Variants in TMEM67 observed in about 807,000 individuals in gnomAD.
TMEM67 encodes the protein transmembrane protein 67.
Under a neutral mutation model 136.6 loss-of-function variants are expected in TMEM67, and 124 were observed. The ratio of observed to expected loss-of-function variants is 0.91; its 90% confidence interval spans 0.78 to 1.05. TMEM67 has a LOEUF of 1.05. Ranked by LOEUF, TMEM67 falls within the 50% of genes least tolerant of loss-of-function variation. TMEM67 has a pLI of 0.00. For missense variants in TMEM67, 1,107 were observed against 1,178.4 expected, an observed-to-expected ratio of 0.94 and a Z score of 0.89; for synonymous variants, 364 against 390.5, an observed-to-expected ratio of 0.93 and a Z score of 0.80.
In TMEM67 at chr8:93,809,100, T is replaced by C. The variant is rs1563481582; in HGVS notation, c.2600T>C (p.Phe867Ser). ...CTACTGAGTTCATCAGCAAGTACTT[T>C]TGAGCAGAGTATAAAAGCATATCAT... ...ARLLSSSASTFEQSIKAYHMM... is the reference protein window; with the variant it reads ...ARLLSSSASTSEQSIKAYHMM... Residue 867 changes from phenylalanine to serine, a missense_variant, in exon 25 of 28, where the codon TTT (phenylalanine) becomes TCT (serine). This residue lies in a region of TMEM67 where 925 missense variants were observed against 1,002.4 expected (regional missense o/e 0.92). Transcript: ENST00000453321. The C allele has an allele frequency of 2.5e-6, 4 of 1,612,108 alleles. No homozygotes were observed. Among genetic ancestry groups the C allele is most frequent in the Non-Finnish European group, 3.4e-6 (4 of 1,178,654 alleles).
intron 21 of TMEM67, among the ~76,000 whole-genome samples, chr8:93,800,284 G>T (rs1011854042): frequency 1.3e-5 from 2 of 152,110 alleles, no homozygotes; most frequent in Admixed American, 1.3e-4. Context: ...TTGGCCTTTA[G>T]GCTAAGATCG....
Position 93,774,265 on chromosome 8 carries a change from T to A in TMEM67, c.714+1614T>A, listed in dbSNP as rs1437126832. Among the ~76,000 whole-genome samples, 3 of 152,194 alleles carry A rather than the reference T, an allele frequency of 2.0e-5. No individual in the cohort carries two copies. The East Asian group carries it at 5.8e-4, about 29-fold the overall frequency. The stretch of plus-strand genomic sequence containing the variant: ...CCTGACCTCAAGTGATCTGCCTGCC[T>A]TGACCTCGCAAAGTGCTGGGATTAC... On this transcript the variant is annotated intron_variant, in intron 7 of 27. Coordinates refer to ENST00000453321, the MANE Select transcript of TMEM67 (RefSeq NM_153704.6).
chr8:93,784,445 T>C (rs1814002843), intron 11 of TMEM67, among the ~76,000 whole-genome samples: 1 of 152,232 alleles, frequency 6.6e-6, no homozygotes, highest in Non-Finnish European at 1.5e-5. Flanking sequence ...ATCATCAGGT[T>C]TAAAAAGCAT....
chr8:93,781,999 A>G (rs527809865), intron 10 of TMEM67, among the ~76,000 whole-genome samples: 6 of 152,056 alleles, frequency 3.9e-5, no homozygotes, highest in African/African-American at 1.4e-4. Context: ...GCTCACTACA[A>G]GCTCCGCCTT....
chr8:93,784,297 C>T (rs1272891591), intron 11 of TMEM67, among the ~76,000 whole-genome samples: 2 of 152,088 alleles, frequency 1.3e-5, no homozygotes, highest in Admixed American at 1.3e-4. Context: ...AGCATTTTAT[C>T]GTTATTATCC....
At chr8:93,765,737 T>G in intron 6 of TMEM67, 91 bp downstream of exon 6, 4 of 836,732 alleles carry the variant, frequency 4.8e-6, no homozygotes. Flanking sequence ...GAAACCCTTT[T>G]GTGTAAATCA....
chr8:93,764,021 TATC>T, intron 4 of TMEM67, 80 bp downstream of exon 4: 1 of 937,392 alleles, frequency 1.1e-6, no homozygotes, highest in Non-Finnish European at 1.7e-6. Flanking sequence ...AGTGTTTTCC[TATC>T]ATATCACTTA....
intron 3 of TMEM67, among the ~76,000 whole-genome samples, chr8:93,762,304 A>G (rs1052465416): frequency 6.6e-6 from 1 of 151,350 alleles, no homozygotes; most frequent in Non-Finnish European, 1.5e-5. Flanking sequence ...TATATTTCAT[A>G]TATTACCCAA....
chr8:93,786,603 G>A (rs185672943), intron 13 of TMEM67, among the ~76,000 whole-genome samples: 100 of 152,278 alleles, frequency 6.6e-4, no homozygotes, highest in African/African-American at 2.3e-3. Context: ...AATGGGTTGC[G>A]AATAGCTAAG....
intron 7 of TMEM67, among the ~76,000 whole-genome samples, chr8:93,776,699 A>G (rs1311725931): frequency 6.6e-6 from 1 of 152,222 alleles, no homozygotes; most frequent in African/African-American, 2.4e-5. Context: ...CCAGGGATGA[A>G]GTCAGCTTGA....
chr8:93,827,012 G>A, the TMEM67 span, among the ~76,000 whole-genome samples: 1 of 152,010 alleles, frequency 6.6e-6, no homozygotes, highest in African/African-American at 2.4e-5. Context: ...TGTATTTTTA[G>A]TAGAGACAAG....
At chr8:93,790,390 C>A (rs1202351613) in intron 14 of TMEM67, among the ~76,000 whole-genome samples, 1 of 152,184 alleles carries the variant, frequency 6.6e-6, no homozygotes, top group East Asian at 1.9e-4. Flanking sequence ...TATCTAAACT[C>A]ATTTACAGTA....
chr8:93,819,085 C>G (rs7009188), downstream of TMEM67: 3,533 of 453,170 alleles, frequency 7.8e-3, 108 homozygotes, highest in African/African-American at 0.062. Context: ...TTACAGGTGT[C>G]AGCCACTACA....
At chr8:93,781,047 A>C in intron 9 of TMEM67, 65 bp downstream of exon 9, 1 of 1,131,196 alleles carries the variant, frequency 8.8e-7, no homozygotes, top group Non-Finnish European at 1.3e-6. Context: ...AAGGTAATAA[A>C]GTTACAATTC....
chr8:93,775,576 G>A (rs1035869093), intron 7 of TMEM67, among the ~76,000 whole-genome samples: 2 of 152,142 alleles, frequency 1.3e-5, no homozygotes, highest in Admixed American at 1.3e-4. Context: ...CATATGGCTA[G>A]CCAGTTTTCC....
In TMEM67 at chr8:93,780,727, T is replaced by G. The variant is rs769190569; in HGVS notation, c.849T>G (p.Thr283=). 2.5e-6 allele frequency: 4 copies of G among 1,614,028 alleles called. No individual in the cohort carries two copies. The highest frequency in any genetic ancestry group is 3.4e-6 in the Non-Finnish European group (4 of 1,180,034). Residue 283 remains threonine (T), a synonymous_variant, in exon 8 of 28, where the codon ACT becomes ACG. Transcript: ENST00000453321. ...TTGAAAATACTGCTGGACTGAGCAC[T>G]GTTCATTCTATTTCATTTTGGTAAG... ...FIFENTAGLS[T]VHSISFWRQN...
chr8:93,810,528 T>A (rs181865202), intron 26 of TMEM67, among the ~76,000 whole-genome samples: 482 of 152,126 alleles, frequency 3.2e-3, no homozygotes, highest in Non-Finnish European at 5.3e-3. Flanking sequence ...TGCAGTGAGC[T>A]GGGATCACTC....
intron 23 of TMEM67, among the ~76,000 whole-genome samples, chr8:93,808,006 G>C (rs1421119639): frequency 6.6e-6 from 1 of 151,660 alleles, no homozygotes; most frequent in African/African-American, 2.4e-5. Context: ...ATTAATTAAG[G>C]AAGCATCTTA....
intron 7 of TMEM67, among the ~76,000 whole-genome samples, chr8:93,778,678 TG>T (rs1420068881): frequency 2.0e-5 from 3 of 152,218 alleles, no homozygotes; most frequent in African/African-American, 7.2e-5. Context: ...TGTTGAATAT[TG>T]GCCCCCACTC....
Sources: allele counts gnomAD v4.1 joint callset (sites outside exome capture counted in the v4.1 genomes callset), GRCh38; gene constraint gnomAD v4.1.1; regional missense constraint gnomAD v4.1.1; transcripts MANE v1.5; gene names NCBI Gene and HGNC (gene_info 2026-07-23, HGNC 2026-07-21).